Variants in RNF125 observed in about 807,000 individuals in gnomAD.
RNF125 encodes the protein E3 ubiquitin-protein ligase RNF125.
RNF125 carries 21 observed loss-of-function variants against 26.0 expected under a neutral mutation model. That is an observed-to-expected ratio of 0.81 (90% confidence interval 0.57 to 1.16). The LOEUF (loss-of-function observed/expected upper bound fraction) is 1.16, where lower values mean the gene tolerates loss of function less well. RNF125 is among the 50% of genes most tolerant of loss of function. The pLI is 0.00. For synonymous variants in RNF125, 95 were observed against 109.2 expected, an observed-to-expected ratio of 0.87 and a Z score of 0.81; for missense variants, 270 against 299.4, an observed-to-expected ratio of 0.90 and a Z score of 0.72.
In RNF125 at chr18:32,018,836, C is replaced by A; in HGVS notation, c.-28C>A. On this transcript the variant is annotated 5_prime_UTR_variant, in exon 1 of 6. Coordinates refer to ENST00000217740, the MANE Select transcript of RNF125 (RefSeq NM_017831.4). ...ACCCTGCGGCAGGCACTGAGTGCTT[C>A]GCAGCTGTCTGGGCGAGAGGCACAG... is the stretch of plus-strand genomic sequence containing the variant. 1 of 1,531,634 alleles carries A rather than the reference C, an allele frequency of 6.5e-7. No homozygotes were observed. The highest frequency in any genetic ancestry group is 1.2e-5 in the South Asian group (1 of 83,072). The allele number at this position is 1,531,634 out of a possible 1,614,324, so 94.9% of individuals were successfully genotyped here.
intron 1 of RNF125, among the ~76,000 whole-genome samples, chr18:32,035,981 T>C (rs2039148944): frequency 6.6e-6 from 1 of 151,924 alleles, no homozygotes; most frequent in African/African-American, 2.4e-5. Flanking sequence ...GGTGAAACCC[T>C]GTCTCTACTA....
At chr18:32,030,000 C>T (rs1202733198) in intron 1 of RNF125, among the ~76,000 whole-genome samples, 4 of 152,288 alleles carry the variant, frequency 2.6e-5, no homozygotes, top group Non-Finnish European at 4.4e-5. Flanking sequence ...TCAGATACAA[C>T]TGCTCTAAGT....
chr18:32,075,389 C>T (rs1316200227), downstream of RNF125, among the ~76,000 whole-genome samples: 1 of 152,010 alleles, frequency 6.6e-6, no homozygotes, highest in Non-Finnish European at 1.5e-5. Context: ...GAAACCCCGT[C>T]TCTACTAAAA....
At chr18:32,020,449 A>G (rs531672209) in intron 1 of RNF125, among the ~76,000 whole-genome samples, 62 of 152,062 alleles carry the variant, frequency 4.1e-4, no homozygotes, top group African/African-American at 1.4e-3. Flanking sequence ...AAGGGTGACT[A>G]TAGTATGATG....
chr18:32,042,138 T>C, intron 2 of RNF125, 41 bp from the exon 3 acceptor site: 3 of 1,444,434 alleles, frequency 2.1e-6, no homozygotes, highest in Non-Finnish European at 2.9e-6. Context: ...CATTGAGCCC[T>C]TTTTTAACAG....
At chr18:32,074,694 C>CATG (rs1351587433), downstream of RNF125, among the ~76,000 whole-genome samples, 1 of 152,074 alleles carries the variant, frequency 6.6e-6, no homozygotes, top group Non-Finnish European at 1.5e-5. Flanking sequence ...AGGCATGCAC[C>CATG]ACCATGCCCA....
chr18:32,030,372 ACT>A (rs2039081122), intron 1 of RNF125, among the ~76,000 whole-genome samples: 1 of 152,094 alleles, frequency 6.6e-6, no homozygotes, highest in Non-Finnish European at 1.5e-5. Flanking sequence ...AGAAAATGAA[ACT>A]CTGTTTAGGA....
At chr18:32,064,395 T>C (rs12960307) in intron 4 of RNF125, among the ~76,000 whole-genome samples, 1 of 111,432 alleles carries the variant, frequency 9.0e-6, no homozygotes, top group East Asian at 2.4e-4. Flanking sequence ...TTTTTCTTTT[T>C]CTTTTTTTTT....
chr18:32,042,941 G>C (rs550806411), intron 3 of RNF125, among the ~76,000 whole-genome samples: 4 of 151,898 alleles, frequency 2.6e-5, no homozygotes, highest in Admixed American at 6.6e-5. Context: ...TTGAGGTCAG[G>C]AGTTCAAGAC....
the RNF125 span, among the ~76,000 whole-genome samples, chr18:32,079,192 C>T: frequency 6.6e-6 from 1 of 152,098 alleles, no homozygotes; most frequent in Non-Finnish European, 1.5e-5. Flanking sequence ...TTTTGGACAG[C>T]CGACTTCTCA....
chr18:32,051,531 C>T (rs1010251351), intron 4 of RNF125, among the ~76,000 whole-genome samples: 4 of 146,228 alleles, frequency 2.7e-5, no homozygotes, highest in South Asian at 2.3e-4. Flanking sequence ...GCAGGAATCG[C>T]GTGAACCCAG....
intron 1 of RNF125, among the ~76,000 whole-genome samples, chr18:32,020,002 CTGTGTGTGTG>C (rs149126113): frequency 2.7e-5 from 4 of 150,008 alleles, no homozygotes; most frequent in East Asian, 2.0e-4. Context: ...TCTCTGTTTA[CTGTGTGTGTG>C]TGTGTGTGTG....
At chr18:32,076,025 C>A, downstream of RNF125, 1 of 836,390 alleles carries the variant, frequency 1.2e-6, no homozygotes, top group Non-Finnish European at 2.1e-6. Flanking sequence ...TTTTCTAGAT[C>A]TTTGAGTTGC....
Position 32,071,966 on chromosome 18 carries a change from A to C in RNF125, c.*3582A>C, listed in dbSNP as rs1598830937. On this transcript the variant is annotated 3_prime_UTR_variant, in exon 6 of 6. Coordinates refer to ENST00000217740, the MANE Select transcript of RNF125 (RefSeq NM_017831.4). ...TTGGGAGGCTGAGGTGGAGGGTCTC[A>C]TGAGCCCAGGAGTTCAAGACCAACC... 1 of 152,186 alleles carries C rather than the reference A, an allele frequency of 6.6e-6. No homozygotes were observed. Among genetic ancestry groups the C allele is most frequent in the South Asian group, 2.1e-4 (1 of 4,830 alleles). The allele number at this position is 152,186 out of a possible 1,614,324, so 9.4% of individuals were successfully genotyped here.
chr18:32,045,733 G>T lies in RNF125; in HGVS notation c.504+1G>T. On this transcript the variant is annotated splice_donor_variant, in intron 4 of 5. Transcript: ENST00000217740. LOFTEE classifies it high-confidence loss of function. ...TCACAGATCGGAACGGAGGCCTGTGGTAAGGATTTTTGTTACATGTATTAC... is the reference window on the plus strand; with the variant it reads ...TCACAGATCGGAACGGAGGCCTGTGTTAAGGATTTTTGTTACATGTATTAC... The T allele has an allele frequency of 6.8e-6, 11 of 1,606,366 alleles. No individual in the cohort carries two copies. Among genetic ancestry groups the T allele is most frequent in the Non-Finnish European group, 9.4e-6 (11 of 1,174,372 alleles).
In RNF125 at chr18:32,045,726, G is replaced by C; in HGVS notation, c.498G>C (p.Arg166Ser). Reference protein sequence around the residue: ...HCITHHRSERRPVFCPLCRLI... With the variant: ...HCITHHRSERSPVFCPLCRLI... ...TTACTCATCACAGATCGGAACGGAG[G>C]CCTGTGGTAAGGATTTTTGTTACAT... The change falls in exon 4 of 6, where the codon AGG (arginine) becomes AGC (serine). Residue 166 changes from arginine to serine, a missense_variant. Physicochemically the swap from Arg to Ser is moderately radical, Grantham distance 110 (BLOSUM62 -1). Coordinates refer to ENST00000217740, the MANE Select transcript of RNF125 (RefSeq NM_017831.4). The C allele has an allele frequency of 6.2e-7, 1 of 1,609,682 alleles. No homozygotes were observed. Among genetic ancestry groups the C allele is most frequent in the Non-Finnish European group, 8.5e-7 (1 of 1,177,178 alleles).
chr18:32,048,545 A>G (rs373667), intron 4 of RNF125, among the ~76,000 whole-genome samples: 61,388 of 151,862 alleles, frequency 0.4, 12,393 homozygotes, highest in South Asian at 0.44. Flanking sequence ...ATAAACTGAG[A>G]CTCAGAGAGG....
rs1009089756 is a variant in RNF125, at chr18:32,070,172, C to G, written c.*1788C>G. On this transcript the variant is annotated 3_prime_UTR_variant, in exon 6 of 6. Transcript: ENST00000217740. ...TCTCCTGTTTCAGCCTCCCAAGTAG[C>G]TGGGACTACAGGTGCACGCCACCAT... The G allele has an allele frequency of 1.3e-5, 2 of 152,374 alleles. No individual in the cohort carries two copies. The highest frequency in any genetic ancestry group is 4.8e-5 in the African/African-American group (2 of 41,448). 9.4% of individuals were successfully genotyped at this position (152,374 alleles called of 1,614,324 possible).
intron 4 of RNF125, among the ~76,000 whole-genome samples, chr18:32,064,965 A>G (rs2039470560): frequency 6.6e-6 from 1 of 152,228 alleles, no homozygotes; most frequent in Non-Finnish European, 1.5e-5. Context: ...TCCAAGAGGT[A>G]GGCAAACTAA....
Sources: allele counts gnomAD v4.1 joint callset (sites outside exome capture counted in the v4.1 genomes callset), GRCh38; gene constraint gnomAD v4.1.1; transcripts MANE v1.5; gene names NCBI Gene and HGNC (gene_info 2026-07-23, HGNC 2026-07-21).